Variants in WARS1 observed in about 807,000 individuals in gnomAD.
WARS1 encodes the protein tryptophanyl-tRNA synthetase 1, also known as tryptophan--tRNA ligase, cytoplasmic.
In WARS1, 17 loss-of-function variants were observed where a neutral mutation model predicts 47.8. The observed-to-expected ratio is 0.36, with a 90% CI of 0.24 to 0.53. The LOEUF (loss-of-function observed/expected upper bound fraction) is 0.53. Among genes scored for constraint, WARS1 ranks in the 20% least tolerant of loss-of-function variants. The probability of loss-of-function intolerance (pLI) is 0.91; values close to 1 mark genes in which losing one functional copy is unlikely to be tolerated. For missense variants in WARS1, 434 were observed against 608.0 expected (o/e 0.71, Z 3.01); for synonymous variants, 208 against 228.1 (o/e 0.91, Z 0.79).
chr14:100,369,244 GCA>G lies in WARS1; in HGVS notation c.-61_-60del. On this transcript the variant is annotated 5_prime_UTR_variant, in exon 2 of 11. Coordinates refer to ENST00000392882, the MANE Select transcript of WARS1 (RefSeq NM_004184.4). ...GGCCTGAGGTCAGAGGATTTGTTCA[GCA>G]GACGAGTCAAGACTGGGGTGGGGGC... is the stretch of plus-strand genomic sequence containing the variant. 1 of 1,084,672 alleles carries G rather than the reference GCA, an allele frequency of 9.2e-7. No individual in the cohort carries two copies. The highest frequency in any genetic ancestry group is 1.2e-6 in the Non-Finnish European group (1 of 824,086). The allele number at this position is 1,084,672 out of a possible 1,614,324, so 67.2% of individuals were successfully genotyped here.
intron 7 of WARS1, among the ~76,000 whole-genome samples, chr14:100,346,522 G>C (rs1412260836): frequency 6.6e-6 from 1 of 152,194 alleles, no homozygotes; most frequent in Admixed American, 6.5e-5. Context: ...CTCACATCCT[G>C]AAGTGCAGCT....
chr14:100,354,888 G>A (rs1395764780), intron 4 of WARS1, among the ~76,000 whole-genome samples: 1 of 152,136 alleles, frequency 6.6e-6, no homozygotes, highest in Non-Finnish European at 1.5e-5. Context: ...ACACTTCCCT[G>A]GGGATACCAG....
intron 2 of WARS1, chr14:100,368,433 A>G (rs1224365180): frequency 2.2e-6 from 1 of 456,088 alleles, no homozygotes. Context: ...TTGTGAAGGT[A>G]CGAATGCTTC....
chr14:100,353,742 C>T lies in WARS1; in HGVS notation c.670G>A (p.Ala224Thr), dbSNP rs753475793. ...GTCTTGTTGATGTCAAAGCCACAGG[C>T]GATGATGTCCTTGGCATTCTCCACA... ...YAVENAKDIIACGFDINKTFI... is the reference protein window; with the variant it reads ...YAVENAKDIITCGFDINKTFI... The change falls in exon 6 of 11, where the codon GCC (alanine) becomes ACC (threonine). Residue 224 changes from alanine to threonine, a missense_variant. Around this residue, in one of 2 missense-constraint regions of WARS1, gnomAD observed 347 missense variants for 523.8 expected, o/e 0.66. Coordinates refer to ENST00000392882, the MANE Select transcript of WARS1 (RefSeq NM_004184.4). 9 of 1,614,014 alleles carry T rather than the reference C, an allele frequency of 5.6e-6. No individual in the cohort carries two copies. The highest frequency in any genetic ancestry group is 1.3e-5 in the African/African-American group (1 of 74,902).
Position 100,342,438 on chromosome 14 carries a change from G to C in WARS1, c.1073C>G (p.Ser358Cys). The change falls in exon 9 of 11, where the codon TCC becomes TGC. Residue 358 changes from serine to cysteine, a missense_variant. Coordinates refer to ENST00000392882, the MANE Select transcript of WARS1 (RefSeq NM_004184.4). Reference sequence around the variant, plus strand: ...CTTGGCCGTGTCGGTGAGGAAGATGGAGGAGTTGGGGTCGCTGGCACTCAT... The same window carrying C: ...CTTGGCCGTGTCGGTGAGGAAGATGCAGGAGTTGGGGTCGCTGGCACTCAT... Reference protein sequence around the residue: ...TKMSASDPNSSIFLTDTAKQI... With the variant: ...TKMSASDPNSCIFLTDTAKQI... 6.2e-7 allele frequency: 1 copy of C among 1,614,118 alleles called. No homozygotes were observed. The highest frequency in any genetic ancestry group is 8.5e-7 in the Non-Finnish European group (1 of 1,179,996).
intron 4 of WARS1, among the ~76,000 whole-genome samples, chr14:100,358,781 A>C (rs193150602): frequency 6.6e-6 from 1 of 152,252 alleles, no homozygotes; most frequent in African/African-American, 2.4e-5. Context: ...ATATTTGAAT[A>C]AGAAACTAGT....
rs551331160 is a variant in WARS1 at position 100,351,077 on chromosome 14, C to T, written c.725+2610G>A. On this transcript the variant is annotated intron_variant, in intron 6 of 10. Coordinates refer to ENST00000392882, the MANE Select transcript of WARS1 (RefSeq NM_004184.4). ...ACACAGGGCCAATCACGAAAGGGCT[C>T]GTGTGCCAAGTGAAAGGTGAGAATT... 5.9e-5 allele frequency among the ~76,000 whole-genome samples: 9 copies of T among 152,100 alleles called. No individual in the cohort carries two copies. In the South Asian group the frequency reaches 1.2e-3, roughly 21 times the overall value.
rs59475595 is a variant in WARS1, at chr14:100,373,824, T to TTGTGTG, written c.-74+1453_-74+1458dup. Among the ~76,000 whole-genome samples, 108 of 148,152 alleles carry TTGTGTG rather than the reference T, an allele frequency of 7.3e-4. No individual in the cohort carries two copies. Among genetic ancestry groups the TTGTGTG allele is most frequent in the African/African-American group, 2.6e-3 (106 of 40,206 alleles). ...GGGAATCATCCACACTATTGAAATCTTGTGTGTGTGTGTGTGTGTGTGTGT... is the reference window on the plus strand; with the variant it reads ...GGGAATCATCCACACTATTGAAATCTTGTGTGTGTGTGTGTGTGTGTGTGTGTGTGT... On this transcript the variant is annotated intron_variant, in intron 1 of 10. Coordinates refer to ENST00000392882, the MANE Select transcript of WARS1 (RefSeq NM_004184.4). This position sits in a 1 kb window ranked among gnomAD's most constrained non-coding sequence, Gnocchi z 4.4.
At position 100,367,083 on chromosome 14, in the gene WARS1, T is replaced by C. The variant is rs561263435; in HGVS notation, c.99+2004A>G. 1.5e-3 allele frequency among the ~76,000 whole-genome samples: 230 copies of C among 152,144 alleles called. 2 individuals carry two copies. The highest frequency in any genetic ancestry group is 5.2e-3 in the African/African-American group (217 of 41,510). On this transcript the variant is annotated intron_variant, in intron 2 of 10. Transcript: ENST00000392882. ...AATCTCAGAGAGAAAAGGGTGGTAC[T>C]GTACCTATGAGTCAGGGCAGAGTGC...
intron 7 of WARS1, among the ~76,000 whole-genome samples, chr14:100,344,656 G>T (rs1236223186): frequency 6.6e-6 from 1 of 151,714 alleles, no homozygotes; most frequent in African/African-American, 2.4e-5. Context: ...CTTCCCGGCC[G>T]CCATCCCATC....
At chr14:100,336,395 G>A (rs1326353049) in intron 10 of WARS1, among the ~76,000 whole-genome samples, 1 of 152,082 alleles carries the variant, frequency 6.6e-6, no homozygotes, top group East Asian at 1.9e-4. Context: ...CTACAGATGT[G>A]TGCCACCATG....
intron 2 of WARS1, among the ~76,000 whole-genome samples, chr14:100,364,816 A>T (rs1254451096): frequency 6.6e-6 from 1 of 152,212 alleles, no homozygotes; most frequent in Non-Finnish European, 1.5e-5. Context: ...TCCCAAAATG[A>T]TGGGCTTACA....
At chr14:100,367,277 T>C (rs1386335128) in intron 2 of WARS1, among the ~76,000 whole-genome samples, 1 of 151,926 alleles carries the variant, frequency 6.6e-6, no homozygotes, top group Non-Finnish European at 1.5e-5. Context: ...TTCTGAGAAT[T>C]AACGGCCATG....
intron 6 of WARS1, among the ~76,000 whole-genome samples, chr14:100,349,208 A>G (rs572253653): frequency 6.6e-6 from 1 of 152,296 alleles, no homozygotes; most frequent in East Asian, 1.9e-4. Context: ...AGCACTTTAT[A>G]TGCAGTGCAG....
At chr14:100,371,571 C>G (rs1165775004) in intron 1 of WARS1, among the ~76,000 whole-genome samples, 1 of 151,152 alleles carries the variant, frequency 6.6e-6, no homozygotes, top group East Asian at 1.9e-4. Context: ...CCCATCTTCA[C>G]TAAAAATACA....
intron 6 of WARS1, among the ~76,000 whole-genome samples, chr14:100,352,107 T>TC (rs1895025739): frequency 9.3e-6 from 1 of 107,196 alleles, no homozygotes; most frequent in South Asian, 3.8e-4. Flanking sequence ...TCAGTTTCTT[T>TC]CTTTTTTTTT....
intron 1 of WARS1, among the ~76,000 whole-genome samples, chr14:100,370,689 G>A (rs1896292061): frequency 6.6e-6 from 1 of 152,066 alleles, no homozygotes; most frequent in South Asian, 2.1e-4. Flanking sequence ...GAGGCACAGA[G>A]GGGTTAAAAA....
chr14:100,351,924 C>T (rs1284249441), intron 6 of WARS1, among the ~76,000 whole-genome samples: 16 of 151,038 alleles, frequency 1.1e-4, no homozygotes, highest in South Asian at 2.1e-4. Context: ...ACCTGAGAGG[C>T]GGAGCTTGCA....
intron 10 of WARS1, 157 bp downstream of exon 10, chr14:100,336,905 C>T (rs2139877521): frequency 1.0e-6 from 1 of 993,560 alleles, no homozygotes; most frequent in Non-Finnish European, 1.5e-6. Flanking sequence ...TGAGCCCAGG[C>T]CTAAAAACCA....
Sources: allele counts gnomAD v4.1 joint callset (sites outside exome capture counted in the v4.1 genomes callset), GRCh38; gene constraint gnomAD v4.1.1; regional missense constraint gnomAD v4.1.1; non-coding constraint Gnocchi (gnomAD v3.1); transcripts MANE v1.5; gene names NCBI Gene and HGNC (gene_info 2026-07-23, HGNC 2026-07-21).